ANO2: variants seen among roughly 807,000 people sequenced by gnomAD.
ANO2 encodes the protein anoctamin 2.
ANO2 carries 101 observed loss-of-function variants against 124.2 expected under a neutral mutation model. That is an observed-to-expected ratio of 0.81 (90% CI 0.69 to 0.96). ANO2 has a LOEUF of 0.96. Among genes scored for constraint, ANO2 ranks in the 40% least tolerant of loss-of-function variants. The pLI is 0.00. For synonymous variants in ANO2, 486 were observed against 482.5 expected, an observed-to-expected ratio of 1.01 and a Z score of -0.09; for missense variants, 1,293 against 1,274.5, an observed-to-expected ratio of 1.01 and a Z score of -0.22.
chr12:5,743,241 G>A (rs972656175), intron 12 of ANO2, among the ~76,000 whole-genome samples: 2 of 152,050 alleles, frequency 1.3e-5, no homozygotes, highest in African/African-American at 4.8e-5. Context: ...CATGGAGTCA[G>A]TGATAAATCA....
At chr12:5,931,387 T>A (rs1942373987) in intron 1 of ANO2, among the ~76,000 whole-genome samples, 1 of 152,196 alleles carries the variant, frequency 6.6e-6, no homozygotes, top group African/African-American at 2.4e-5. Context: ...CAGACCCATT[T>A]AACTTCCCAC....
At chr12:5,821,320 C>T (rs1342807091) in intron 7 of ANO2, among the ~76,000 whole-genome samples, 1 of 152,206 alleles carries the variant, frequency 6.6e-6, no homozygotes, top group East Asian at 1.9e-4. Context: ...CCTTTTACAA[C>T]CAAGAAAGAG....
At chr12:5,853,958 C>G (rs1469370230) in intron 4 of ANO2, 85 bp downstream of exon 4, 96 of 901,178 alleles carry the variant, frequency 1.1e-4, no homozygotes, top group Non-Finnish European at 1.3e-4. Context: ...CCACAAAACC[C>G]ACATCCCACC....
intron 3 of ANO2, among the ~76,000 whole-genome samples, chr12:5,896,943 A>G (rs2136277542): frequency 6.6e-6 from 1 of 152,312 alleles, no homozygotes; most frequent in South Asian, 2.1e-4. Context: ...GGAAATATAA[A>G]TTTTGGAGTT....
chr12:5,841,424 C>CTGTATT (rs1954510719), intron 4 of ANO2, among the ~76,000 whole-genome samples: 1 of 152,208 alleles, frequency 6.6e-6, no homozygotes, highest in South Asian at 2.1e-4. Context: ...GTGTCTAGTT[C>CTGTATT]TGTATTTGTT....
At chr12:5,913,396 T>C (rs1941171914) in intron 3 of ANO2, among the ~76,000 whole-genome samples, 1 of 152,174 alleles carries the variant, frequency 6.6e-6, no homozygotes, top group African/African-American at 2.4e-5. Flanking sequence ...CAGAGCAGCC[T>C]CCAGGGAGGG....
chr12:5,893,489 CTTTTTT>C (rs1175378261), intron 3 of ANO2, among the ~76,000 whole-genome samples: 1 of 137,772 alleles, frequency 7.3e-6, no homozygotes, highest in Non-Finnish European at 1.6e-5. Context: ...CCCTTTTTTT[CTTTTTT>C]TTTTTTTAAT....
chr12:5,706,138 T>C (rs147015993), intron 14 of ANO2, among the ~76,000 whole-genome samples: 373 of 152,280 alleles, frequency 2.4e-3, no homozygotes, highest in Non-Finnish European at 4.6e-3. Context: ...TTAACCTAAC[T>C]TCCCGCTTCA....
intron 3 of ANO2, among the ~76,000 whole-genome samples, chr12:5,866,067 T>C (rs1370473369): frequency 6.6e-6 from 1 of 152,358 alleles, no homozygotes; most frequent in Admixed American, 6.5e-5. Context: ...TCCAAGCCTA[T>C]GCCCAATTAG....
At chr12:5,714,300 G>A (rs550857490) in intron 14 of ANO2, among the ~76,000 whole-genome samples, 3 of 152,334 alleles carry the variant, frequency 2.0e-5, no homozygotes, top group East Asian at 1.9e-4. Context: ...GATGGAATGC[G>A]TTCCCCTTCC....
intron 4 of ANO2, among the ~76,000 whole-genome samples, chr12:5,852,716 G>A (rs1954949619): frequency 1.3e-5 from 2 of 152,094 alleles, no homozygotes; most frequent in African/African-American, 2.4e-5. Flanking sequence ...TGATCACAGT[G>A]GTGGTACAGA....
At chr12:5,592,811 C>T (rs1315495854) in intron 20 of ANO2, among the ~76,000 whole-genome samples, 1 of 152,150 alleles carries the variant, frequency 6.6e-6, no homozygotes, top group Non-Finnish European at 1.5e-5. Context: ...AAACTCTCCC[C>T]AGTTAGGGTT....
In ANO2 at chr12:5,934,826, C is replaced by A. The variant is rs11834083; in HGVS notation, c.22+10370G>T. Among the ~76,000 whole-genome samples the A allele has an allele frequency of 2.5e-3, 376 of 152,310 alleles. 1 individual carries two copies. The highest frequency in any genetic ancestry group is 8.5e-3 in the African/African-American group (353 of 41,570). On this transcript the variant is annotated intron_variant, in intron 1 of 24. Coordinates refer to ENST00000682330, the MANE Select transcript of ANO2 (RefSeq NM_001364791.2). ...CACCACCCATAAACATCTCCCATCT[C>A]TTCCTCCTGGGTGTAACCAAGATTA...
rs1213453884 is a variant in ANO2, at chr12:5,872,711, A to AATCTTTCT, written c.535-18578_535-18571dup. ...AGCCAGCCCTACTAGAGGTCTAGAA[A>AATCTTTCT]ATCTTTCTAAATAGTCCTTTTTCTA... On this transcript the variant is annotated intron_variant, in intron 3 of 24. Transcript: ENST00000682330. 4.6e-5 allele frequency among the ~76,000 whole-genome samples: 7 copies of AATCTTTCT among 152,226 alleles called. No homozygotes were observed. In the East Asian group the frequency reaches 1.2e-3, roughly 25 times the overall value.
chr12:5,913,916 G>A (rs1941211626), intron 3 of ANO2, among the ~76,000 whole-genome samples: 1 of 152,230 alleles, frequency 6.6e-6, no homozygotes, highest in Admixed American at 6.5e-5. Context: ...TGGCGACAGA[G>A]CCTGAGAAAC....
intron 14 of ANO2, among the ~76,000 whole-genome samples, chr12:5,668,087 T>C (rs536350774): frequency 6.6e-6 from 1 of 152,196 alleles, no homozygotes; most frequent in African/African-American, 2.4e-5. Context: ...GATTGCTGGG[T>C]CAAATGGTAT....
chr12:5,903,734 G>C (rs535018576), intron 3 of ANO2, among the ~76,000 whole-genome samples: 1 of 151,940 alleles, frequency 6.6e-6, no homozygotes, highest in Admixed American at 6.6e-5. Context: ...TGGCAGAGAT[G>C]ATGAGTGGTA....
intron 22 of ANO2, among the ~76,000 whole-genome samples, chr12:5,576,424 T>C (rs1036169926): frequency 1.3e-4 from 20 of 152,374 alleles, no homozygotes; most frequent in Non-Finnish European, 2.5e-4. Flanking sequence ...GGAATGCCCA[T>C]GTACATCTGC....
intron 19 of ANO2, among the ~76,000 whole-genome samples, chr12:5,604,601 A>T (rs1176454761): frequency 6.6e-6 from 1 of 152,198 alleles, no homozygotes; most frequent in African/African-American, 2.4e-5. Context: ...AAGGGAAGAC[A>T]CAGGGGCTAC....
Sources: gnomAD v4.1 joint callset for allele counts (sites outside exome capture counted in the v4.1 genomes callset) on GRCh38, gnomAD v4.1.1 for gene constraint, MANE v1.5 for transcripts, NCBI Gene and HGNC (gene_info 2026-07-23, HGNC 2026-07-21) for gene names.